FNDC1: variants seen among roughly 807,000 people sequenced by gnomAD.
FNDC1 encodes fibronectin type III domain containing 1, also known as fibronectin type III domain-containing protein 1.
In FNDC1, 96 loss-of-function variants were observed where a neutral mutation model predicts 168.0. The observed-to-expected ratio is 0.57, with a 90% CI of 0.48 to 0.68. The LOEUF is 0.68. Among genes scored for constraint, FNDC1 ranks in the 30% least tolerant of loss-of-function variants. The pLI is 0.00. For synonymous variants in FNDC1, 1,099 were observed against 1,025.9 expected (o/e 1.07, Z -1.36); for missense variants, 2,587 against 2,482.1 (o/e 1.04, Z -0.90).
intron 7 of FNDC1, among the ~76,000 whole-genome samples, chr6:159,224,443 G>GTTTA (rs1782908911): frequency 6.6e-6 from 1 of 152,084 alleles, no homozygotes; most frequent in African/African-American, 2.4e-5. Flanking sequence ...CAAGAAAGGG[G>GTTTA]AATATAGTTT....
At chr6:159,197,233 C>T (rs556031981) in intron 1 of FNDC1, among the ~76,000 whole-genome samples, 198 bp from the exon 2 acceptor site, 77 of 152,314 alleles carry the variant, frequency 5.1e-4, no homozygotes, top group Admixed American at 2.6e-3. Flanking sequence ...CCAAAATACA[C>T]GAAGGCCTGT....
chr6:159,185,826 G>GGCCTCTGT (rs1781984672), intron 1 of FNDC1, among the ~76,000 whole-genome samples: 1 of 152,212 alleles, frequency 6.6e-6, no homozygotes, highest in Non-Finnish European at 1.5e-5. Context: ...AGTCATGACT[G>GGCCTCTGT]AATGTTTAGT....
At chr6:159,269,241 CT>C (rs148048632) in intron 22 of FNDC1, among the ~76,000 whole-genome samples, 11,573 of 123,032 alleles carry the variant, frequency 0.094, 897 homozygotes, top group East Asian at 0.21. Flanking sequence ...ATCTATCTAT[CT>C]ATCTATCCAT....
Position 159,215,004 on chromosome 6 carries a change from T to C in FNDC1, c.520T>C (p.Ser174Pro). The C allele has an allele frequency of 2.5e-6, 4 of 1,614,026 alleles. No homozygotes were observed. The highest frequency in any genetic ancestry group is 3.4e-6 in the Non-Finnish European group (4 of 1,179,902). Residue 174 changes from serine to proline, a missense_variant, in exon 5 of 23, where the codon TCC (serine) becomes CCC (proline). Ser to Pro is a moderately conservative substitution (Grantham distance 74). Transcript: ENST00000297267. ...VRVRSSDDRL[S>P]VAWKAPRLSG... ...TGTCCGGTCCTCAGATGACAGGCTG[T>C]CCGTTGCGTGGAAGGCACCACGCCT...
At position 159,233,802 on chromosome 6, in the gene FNDC1, CCG is replaced by C. The variant is rs1298659011; in HGVS notation, c.3298_3299del (p.Ala1100GlnfsTer89). 6.5e-6 allele frequency: 10 copies of C among 1,536,928 alleles called. No individual in the cohort carries two copies. The highest frequency in any genetic ancestry group is 8.8e-6 in the Non-Finnish European group (10 of 1,141,144). The stretch of plus-strand genomic sequence containing the variant: ...CAGGATGTGCGGGCCCCCGCGCACG[CCG>C]CGCGCGCCAAGGAGGCAGCTGCGTC... On this transcript the variant is annotated frameshift_variant, in exon 11 of 23. Coordinates refer to ENST00000297267, the MANE Select transcript of FNDC1 (RefSeq NM_032532.3). LOFTEE classifies it high-confidence loss of function. This position sits in a 1 kb window ranked among gnomAD's most constrained non-coding sequence, Gnocchi z 4.6.
intron 14 of FNDC1, among the ~76,000 whole-genome samples, chr6:159,246,091 T>C (rs1783532772): frequency 6.6e-6 from 1 of 152,372 alleles, no homozygotes; most frequent in South Asian, 2.1e-4. Flanking sequence ...TAACCAGGGT[T>C]TCCTGGCTTT....
chr6:159,200,570 A>G lies in FNDC1; in HGVS notation c.449A>G (p.Glu150Gly). The G allele has an allele frequency of 6.3e-7, 1 of 1,593,888 alleles. No homozygotes were observed. The highest frequency in any genetic ancestry group is 8.6e-7 in the Non-Finnish European group (1 of 1,168,994). Residue 150 changes from glutamate to glycine, a missense_variant, in exon 4 of 23, where the codon GAA becomes GGA. By Grantham distance (98) the Glu-to-Gly change is moderately conservative. Transcript: ENST00000297267. ...ATTAAGGGTCCAGGACCATTTAATG[A>G]AACCGTCACAGGTACTACTTCCTCC... is the stretch of plus-strand genomic sequence containing the variant. Reference protein sequence around the residue: ...FPIKGPGPFNETVTEKEVPNK... With the variant: ...FPIKGPGPFNGTVTEKEVPNK...
intron 13 of FNDC1, among the ~76,000 whole-genome samples, chr6:159,239,158 CT>C (rs1318511288): frequency 1.3e-5 from 2 of 152,150 alleles, no homozygotes; most frequent in African/African-American, 2.4e-5. Context: ...TATTGTCTAT[CT>C]TCTTTTTTGC....
Position 159,225,718 on chromosome 6 carries a change from A to T in FNDC1, c.1068A>T (p.Glu356Asp). ...CGTCAGTCTTCCAAAGAACACCAGA[A>T]TCTGGTCTGTATTTGAAATGGCCTT... ...WSTSVFQRTP[E>D]SAPTTAPENL... is the part of the protein sequence containing the mutation. Residue 356 changes from glutamate (E) to aspartate (D), a missense_variant, in exon 8 of 23, where the codon GAA becomes GAT. Physicochemically the swap from Glu to Asp is conservative, Grantham distance 45. Transcript: ENST00000297267. 3 of 1,606,254 alleles carry T rather than the reference A, an allele frequency of 1.9e-6. No individual in the cohort carries two copies. The highest frequency in any genetic ancestry group is 2.6e-6 in the Non-Finnish European group (3 of 1,174,352).
intron 10 of FNDC1, 100 bp downstream of exon 10, chr6:159,230,103 C>A: frequency 1.9e-6 from 2 of 1,070,574 alleles, no homozygotes; most frequent in Non-Finnish European, 2.6e-6. Flanking sequence ...AACTGCTCAG[C>A]AGATGATTTT....
At chr6:159,269,576 T>TCC (rs1477997061) in intron 22 of FNDC1, among the ~76,000 whole-genome samples, 31 of 86,042 alleles carry the variant, frequency 3.6e-4, no homozygotes, top group African/African-American at 1.5e-3. Context: ...CCATCTATCC[T>TCC]ATCTGTCTGT....
Position 159,249,144 on chromosome 6 carries a change from A to G in FNDC1, c.4796A>G (p.Glu1599Gly). The G allele has an allele frequency of 6.2e-7, 1 of 1,611,316 alleles. No individual in the cohort carries two copies. The highest frequency in any genetic ancestry group is 8.5e-7 in the Non-Finnish European group (1 of 1,178,712). Reference sequence around the variant, plus strand: ...GAAGGCGCCATCAGTTCCTTTCCTGAAGAAGAATTTGATCTGGCTGGAAGG... The same window carrying G: ...GAAGGCGCCATCAGTTCCTTTCCTGGAGAAGAATTTGATCTGGCTGGAAGG... Reference protein sequence around the residue: ...PEEGAISSFPEEEFDLAGRKR... With the variant: ...PEEGAISSFPGEEFDLAGRKR... Residue 1599 changes from glutamate (E) to glycine (G), a missense_variant, in exon 16 of 23, where the codon GAA becomes GGA. Coordinates refer to ENST00000297267, the MANE Select transcript of FNDC1 (RefSeq NM_032532.3).
rs1349289675 is a variant in FNDC1, at chr6:159,215,051, C to T, written c.567C>T (p.Arg189=). The change falls in exon 5 of 23, where the codon CGC becomes CGT. Residue 189 remains arginine, a synonymous_variant. Coordinates refer to ENST00000297267, the MANE Select transcript of FNDC1 (RefSeq NM_032532.3). ...GCCTGTCTGGAGCCAAGAGTCCACG[C>T]AGATCACGGGGTTTTCTCCTGGGCT... ...APRLSGAKSP[R]RSRGFLLGYG... is the part of the protein sequence containing the mutation. 2 of 1,613,914 alleles carry T rather than the reference C, an allele frequency of 1.2e-6. No individual in the cohort carries two copies. Among genetic ancestry groups the T allele is most frequent in the African/African-American group, 2.7e-5 (2 of 74,942 alleles).
chr6:159,172,755 A>G (rs1014081547), intron 1 of FNDC1, among the ~76,000 whole-genome samples: 3 of 152,254 alleles, frequency 2.0e-5, no homozygotes, highest in Non-Finnish European at 4.4e-5. Context: ...AGAATTGGCT[A>G]CTTGATGAAT....
At chr6:159,269,156 CTATG>C (rs376690309) in intron 22 of FNDC1, among the ~76,000 whole-genome samples, 2,509 of 142,656 alleles carry the variant, frequency 0.018, 73 homozygotes, top group African/African-American at 0.063. Flanking sequence ...ATCCATCTGT[CTATG>C]TATGTATGTA....
chr6:159,210,442 C>T (rs970623884), intron 4 of FNDC1, among the ~76,000 whole-genome samples: 15 of 152,154 alleles, frequency 9.9e-5, no homozygotes, highest in African/African-American at 3.6e-4. Context: ...CTGCCAAGTG[C>T]CCTTTCTCCT....
At chr6:159,202,303 T>A (rs1259450143) in intron 4 of FNDC1, among the ~76,000 whole-genome samples, 2 of 152,226 alleles carry the variant, frequency 1.3e-5, no homozygotes, top group Non-Finnish European at 2.9e-5. Flanking sequence ...ACAAATTACA[T>A]TTCATTGTTA....
chr6:159,225,627 T>G lies in FNDC1; in HGVS notation c.977T>G (p.Ile326Ser). Residue 326 changes from isoleucine to serine, a missense_variant, in exon 8 of 23, where the codon ATT becomes AGT. Physicochemically the swap from Ile to Ser is moderately radical, Grantham distance 142. Coordinates refer to ENST00000297267, the MANE Select transcript of FNDC1 (RefSeq NM_032532.3). The stretch of plus-strand genomic sequence containing the variant: ...AGGCGTGTGCTGATTGAGAACCTGA[T>G]TCCAGACACTGTGTATGAATTTGCA... ...ANRRVLIENL[I>S]PDTVYEFAVR... 1 of 1,613,992 alleles carries G rather than the reference T, an allele frequency of 6.2e-7. No individual in the cohort carries two copies. Among genetic ancestry groups the G allele is most frequent in the South Asian group, 1.1e-5 (1 of 91,074 alleles).
chr6:159,212,923 T>G (rs1235408852), intron 4 of FNDC1, among the ~76,000 whole-genome samples: 1 of 152,184 alleles, frequency 6.6e-6, no homozygotes, highest in Non-Finnish European at 1.5e-5. Flanking sequence ...ATGGCTGAAC[T>G]CTGCCTGGCC....
Sources: gnomAD v4.1 joint callset for allele counts (sites outside exome capture counted in the v4.1 genomes callset) on GRCh38, gnomAD v4.1.1 for gene constraint, Gnocchi (gnomAD v3.1) non-coding constraint, MANE v1.5 for transcripts, NCBI Gene and HGNC (gene_info 2026-07-23, HGNC 2026-07-21) for gene names.